NCCRP1: variants seen among roughly 807,000 people sequenced by gnomAD.
The protein encoded by NCCRP1 is NCCRP1, F-box associated domain containing, also known as F-box only protein 50.
NCCRP1 carries 32 observed loss-of-function variants against 34.4 expected under a neutral mutation model. The ratio of observed to expected loss-of-function variants is 0.93; its 90% CI spans 0.70 to 1.25. The LOEUF is 1.25. Ranked by LOEUF, NCCRP1 falls within the 50% of genes most tolerant of loss-of-function variation. The pLI, the probability that NCCRP1 is intolerant of heterozygous loss-of-function variation, is 0.00. For synonymous variants in NCCRP1, 172 were observed against 180.1 expected, an observed-to-expected ratio of 0.95 and a Z score of 0.36; for missense variants, 372 against 391.8, an observed-to-expected ratio of 0.95 and a Z score of 0.43.
Position 39,200,477 on chromosome 19 carries a change from G to A in NCCRP1, c.680G>A (p.Trp227Ter), listed in dbSNP as rs2074783495. ...TCTGGGAGAGGACCCCCTGGCCGCT[G>A]GGTCCAGGTGAGACTCTCCGCGCCG... ...RTSGRGPPGR[W>*]VQVSHVFRHY... The change falls in exon 5 of 6, where the codon TGG (tryptophan) becomes TAG (stop). Residue 227 changes from tryptophan (W) to a stop codon, truncating the protein, a stop_gained. Coordinates refer to ENST00000339852, the MANE Select transcript of NCCRP1 (RefSeq NM_001001414.2). LOFTEE classifies it high-confidence loss of function. The surrounding 1 kb of genome is among the most constrained non-coding windows in gnomAD (Gnocchi z 5.8). 2 of 1,613,312 alleles carry A rather than the reference G, an allele frequency of 1.2e-6. No individual in the cohort carries two copies. The highest frequency in any genetic ancestry group is 1.7e-6 in the Non-Finnish European group (2 of 1,180,004).
Position 39,201,877 on chromosome 19 carries a change from A to G in NCCRP1, c.*1121A>G, listed in dbSNP as rs566200015. 3 of 152,346 alleles carry G rather than the reference A, an allele frequency of 2.0e-5. No homozygotes were observed. Among genetic ancestry groups the G allele is most frequent in the East Asian group, 3.9e-4 (2 of 5,180 alleles). 9.4% of individuals were successfully genotyped at this position (152,346 alleles called of 1,614,324 possible). ...ATGTGGGGATTAAAAGCATTTATCA[A>G]CCTCTAAGTCCTGATCTGATCACTT... On this transcript the variant is annotated 3_prime_UTR_variant, in exon 6 of 6. Coordinates refer to ENST00000339852, the MANE Select transcript of NCCRP1 (RefSeq NM_001001414.2).
At chr19:39,199,141 C>T in intron 3 of NCCRP1, 29 bp from the exon 4 acceptor site, 1 of 1,603,780 alleles carries the variant, frequency 6.2e-7, no homozygotes, top group East Asian at 2.2e-5. Flanking sequence ...AGATCGCAGA[C>T]CCCGCCTCTC....
Position 39,199,211 on chromosome 19 carries a change from G to T in NCCRP1, c.494G>T (p.Gly165Val). The change falls in exon 4 of 6, where the codon GGC becomes GTC. Residue 165 changes from glycine (G) to valine (V), a missense_variant. Physicochemically the swap from Gly to Val is moderately radical, Grantham distance 109 (BLOSUM62 -3). Coordinates refer to ENST00000339852, the MANE Select transcript of NCCRP1 (RefSeq NM_001001414.2). The stretch of plus-strand genomic sequence containing the variant: ...CAGTGTGTGGACCTTCTGGCCGAGG[G>T]CCTGTGGGAGGAGCTGCTGGATGAC... ...KQQCVDLLAEGLWEELLDDEQ... is the reference protein window; with the variant it reads ...KQQCVDLLAEVLWEELLDDEQ... 6.2e-7 allele frequency: 1 copy of T among 1,614,058 alleles called. No individual in the cohort carries two copies. The highest frequency in any genetic ancestry group is 8.5e-7 in the Non-Finnish European group (1 of 1,180,014).
At chr19:39,197,414 CTCTG>C (rs1464096693) in intron 1 of NCCRP1, 95 bp downstream of exon 1, 79 of 1,077,306 alleles carry the variant, frequency 7.3e-5, no homozygotes, top group Admixed American at 1.9e-4. Context: ...CTTTGTCTCT[CTCTG>C]TCTATGCATT....
At chr19:39,197,589 T>C (rs1468042634) in intron 1 of NCCRP1, among the ~76,000 whole-genome samples, 2 of 152,146 alleles carry the variant, frequency 1.3e-5, no homozygotes, top group Admixed American at 1.3e-4. Flanking sequence ...CCTATGTTTC[T>C]GTCTCTTGAG....
chr19:39,198,154 G>A (rs757482707), intron 2 of NCCRP1, 39 bp downstream of exon 2: 1 of 1,614,158 alleles, frequency 6.2e-7, no homozygotes, highest in Non-Finnish European at 8.5e-7. Flanking sequence ...GGGTGGGGAG[G>A]GTCCTCCAGC....
chr19:39,197,636 G>A (rs1298149317), intron 1 of NCCRP1, among the ~76,000 whole-genome samples: 2 of 152,086 alleles, frequency 1.3e-5, no homozygotes, highest in East Asian at 3.9e-4. Context: ...GAATGCAGTG[G>A]TGCAATCTCA....
At chr19:39,197,514 C>T (rs1199294219) in intron 1 of NCCRP1, among the ~76,000 whole-genome samples, 195 bp downstream of exon 1, 3 of 152,078 alleles carry the variant, frequency 2.0e-5, no homozygotes, top group Non-Finnish European at 4.4e-5. Context: ...ACCTACCTCT[C>T]TCACACCTCT....
At chr19:39,198,140 C>T (rs1204245960) in intron 2 of NCCRP1, 25 bp downstream of exon 2, 15 of 1,614,078 alleles carry the variant, frequency 9.3e-6, no homozygotes, top group Non-Finnish European at 1.3e-5. Context: ...GGCCAGGTTG[C>T]TGAGGGTGGG....
In NCCRP1 at chr19:39,200,515, C is replaced by G; in HGVS notation, c.687+31C>G. ...ACTCTCCGCGCCGGGGCCCTCAACC[C>G]CAGACGTGTGTTCTTGTCCCAAGAC... On this transcript the variant is annotated intron_variant, in intron 5 of 5. Coordinates refer to ENST00000339852, the MANE Select transcript of NCCRP1 (RefSeq NM_001001414.2). The surrounding 1 kb of genome is among the most constrained non-coding windows in gnomAD (Gnocchi z 5.8). The G allele has an allele frequency of 6.2e-7, 1 of 1,611,288 alleles. No homozygotes were observed. Among genetic ancestry groups the G allele is most frequent in the Non-Finnish European group, 8.5e-7 (1 of 1,179,008 alleles).
intron 1 of NCCRP1, among the ~76,000 whole-genome samples, chr19:39,197,744 T>A (rs1299166432): frequency 1.3e-5 from 2 of 152,156 alleles, no homozygotes; most frequent in Non-Finnish European, 2.9e-5. Flanking sequence ...GCCTGGCTAA[T>A]TTTTGTATTT....
chr19:39,197,019 G>C lies in NCCRP1; in HGVS notation c.37G>C (p.Gly13Arg). ...GCGTGAGGGACACGCGCTCGGTGGC[G>C]GGATGGAAGCCGATGGGCCCGCGAG... is the stretch of plus-strand genomic sequence containing the variant. ...EVREGHALGG[G>R]MEADGPASLQ... is the part of the protein sequence containing the mutation. Residue 13 changes from glycine to arginine, a missense_variant, in exon 1 of 6, where the codon GGG (glycine) becomes CGG (arginine). Physicochemically the swap from Gly to Arg is moderately radical, Grantham distance 125 (BLOSUM62 -2). Transcript: ENST00000339852. 6.5e-7 allele frequency: 1 copy of C among 1,535,428 alleles called. No individual in the cohort carries two copies. Among genetic ancestry groups the C allele is most frequent in the Non-Finnish European group, 8.7e-7 (1 of 1,147,752 alleles).
At position 39,200,397 on chromosome 19, in the gene NCCRP1, G is replaced by T. The variant is rs1309730089; in HGVS notation, c.600G>T (p.Leu200=). 6.2e-7 allele frequency: 1 copy of T among 1,613,492 alleles called. No homozygotes were observed. Among genetic ancestry groups the T allele is most frequent in the African/African-American group, 1.3e-5 (1 of 75,052 alleles). ...GCGTCTATGAGCTGCATGTCTGGCT[G>T]CTGGCGGCCGACCGCCGCACGGTCA... ...DACVYELHVW[L]LAADRRTVIA... The change falls in exon 5 of 6, where the codon CTG becomes CTT. Residue 200 remains leucine, a synonymous_variant. Transcript: ENST00000339852. The surrounding 1 kb of genome is among the most constrained non-coding windows in gnomAD (Gnocchi z 5.8).
chr19:39,200,772 G>A lies in NCCRP1; in HGVS notation c.*16G>A. ...CCGGGAGTGACTGGCTGGCTCCTCT[G>A]TCCTGACCCCACAGCACCTCCCTGA... On this transcript the variant is annotated 3_prime_UTR_variant, in exon 6 of 6. Coordinates refer to ENST00000339852, the MANE Select transcript of NCCRP1 (RefSeq NM_001001414.2). The surrounding 1 kb of genome is among the most constrained non-coding windows in gnomAD (Gnocchi z 5.8). 6 of 1,604,362 alleles carry A rather than the reference G, an allele frequency of 3.7e-6. No homozygotes were observed. Among genetic ancestry groups the A allele is most frequent in the Non-Finnish European group, 5.1e-6 (6 of 1,177,880 alleles).
chr19:39,200,833 C>A lies in NCCRP1; in HGVS notation c.*77C>A. On this transcript the variant is annotated 3_prime_UTR_variant, in exon 6 of 6. Transcript: ENST00000339852. This position sits in a 1 kb window ranked among gnomAD's most constrained non-coding sequence, Gnocchi z 5.8. ...CCCCAACTCTTAGTCACCTCCTAGGCCTCTTATTTCTCCCTGGCCCTTGGC... is the reference window on the plus strand; with the variant it reads ...CCCCAACTCTTAGTCACCTCCTAGGACTCTTATTTCTCCCTGGCCCTTGGC... 2 of 1,503,370 alleles carry A rather than the reference C, an allele frequency of 1.3e-6. No individual in the cohort carries two copies. The highest frequency in any genetic ancestry group is 2.1e-5 in the Admixed American group (1 of 48,696). The allele number at this position is 1,503,370 out of a possible 1,614,324, so 93.1% of individuals were successfully genotyped here. A position where few individuals can be genotyped will look rare whatever the true frequency, so the allele number is the denominator to read the frequency against.
chr19:39,196,978 G>C lies in NCCRP1; in HGVS notation c.-5G>C. ...GAAACCGGGACAGTCGCGCAGCCTC[G>C]AGGGATGGAGGAGGTGCGTGAGGGA... is the stretch of plus-strand genomic sequence containing the variant. On this transcript the variant is annotated 5_prime_UTR_variant, in exon 1 of 6. Transcript: ENST00000339852. 2 of 1,534,190 alleles carry C rather than the reference G, an allele frequency of 1.3e-6. No individual in the cohort carries two copies. Among genetic ancestry groups the C allele is most frequent in the Non-Finnish European group, 1.7e-6 (2 of 1,147,418 alleles).
intron 4 of NCCRP1, among the ~76,000 whole-genome samples, chr19:39,199,482 CTTTTCTTTTTT>C (rs200111495): frequency 0.28 from 33,724 of 120,274 alleles, 5,232 homozygotes; most frequent in East Asian, 0.43. Context: ...ATTTCTTTTT[CTTTTCTTTTTT>C]TTTTCTTTTT....
Position 39,197,134 on chromosome 19 carries a change from C to T in NCCRP1, c.152C>T (p.Ala51Val), listed in dbSNP as rs1833693990. The T allele has an allele frequency of 6.6e-7, 1 of 1,511,470 alleles. No homozygotes were observed. The highest frequency in any genetic ancestry group is 1.4e-5 in the African/African-American group (1 of 69,950). The allele number at this position is 1,511,470 out of a possible 1,614,324, so 93.6% of individuals were successfully genotyped here. A position where few individuals can be genotyped will look rare whatever the true frequency, so the allele number is the denominator to read the frequency against. ...TCGCCGCCGTCGCTGCCATCGCCCGCAGCCCCGGAGGCCCCCGAGCTCCCC... is the reference window on the plus strand; with the variant it reads ...TCGCCGCCGTCGCTGCCATCGCCCGTAGCCCCGGAGGCCCCCGAGCTCCCC... The part of the protein sequence containing the change: ...LPSPPSLPSP[A>V]APEAPELPEP... Residue 51 changes from alanine (A) to valine (V), a missense_variant, in exon 1 of 6, where the codon GCA becomes GTA. By Grantham distance (64) the Ala-to-Val change is moderately conservative. Coordinates refer to ENST00000339852, the MANE Select transcript of NCCRP1 (RefSeq NM_001001414.2).
At position 39,200,836 on chromosome 19, in the gene NCCRP1, C is replaced by T. The variant is rs1568542834; in HGVS notation, c.*80C>T. The T allele has an allele frequency of 8.7e-6, 13 of 1,500,940 alleles. No homozygotes were observed. The East Asian group carries it at 2.9e-4, about 34-fold the overall frequency. 93.0% of individuals were successfully genotyped at this position (1,500,940 alleles called of 1,614,324 possible). A position where few individuals can be genotyped will look rare whatever the true frequency, so the allele number is the denominator to read the frequency against. On this transcript the variant is annotated 3_prime_UTR_variant, in exon 6 of 6. Coordinates refer to ENST00000339852, the MANE Select transcript of NCCRP1 (RefSeq NM_001001414.2). The surrounding 1 kb of genome is among the most constrained non-coding windows in gnomAD (Gnocchi z 5.8). ...CAACTCTTAGTCACCTCCTAGGCCT[C>T]TTATTTCTCCCTGGCCCTTGGCTTC... is the stretch of plus-strand genomic sequence containing the variant.
Sources: allele counts gnomAD v4.1 joint callset (sites outside exome capture counted in the v4.1 genomes callset), GRCh38; gene constraint gnomAD v4.1.1; non-coding constraint Gnocchi (gnomAD v3.1); transcripts MANE v1.5; gene names NCBI Gene and HGNC (gene_info 2026-07-23, HGNC 2026-07-21).